Variants in OGFOD1 observed in about 807,000 individuals in gnomAD.
OGFOD1 encodes 2-oxoglutarate and iron dependent oxygenase domain containing 1.
OGFOD1 carries 54 observed loss-of-function variants against 67.7 expected under a neutral mutation model. The observed-to-expected ratio is 0.80, with a 90% CI of 0.64 to 1.00. The LOEUF is 1.00. Among genes scored for constraint, OGFOD1 ranks in the 50% least tolerant of loss-of-function variants. The pLI, the probability that OGFOD1 is intolerant of heterozygous loss-of-function variation, is 0.00. For synonymous variants in OGFOD1, 221 were observed against 227.0 expected, an observed-to-expected ratio of 0.97 and a Z score of 0.24; for missense variants, 606 against 646.7, an observed-to-expected ratio of 0.94 and a Z score of 0.68.
rs760206475 is a variant in OGFOD1, at chr16:56,466,959, T to C, written c.649T>C (p.Phe217Leu). The change falls in exon 6 of 13, where the codon TTT becomes CTT. Residue 217 changes from phenylalanine to leucine, a missense_variant. Coordinates refer to ENST00000566157, the MANE Select transcript of OGFOD1 (RefSeq NM_018233.4). ...LVFFEVSPVS[F>L]HQVSEVLSEE... is the part of the protein sequence containing the mutation. Reference sequence around the variant, plus strand: ...TTTCTTTGAAGTATCTCCTGTGTCCTTTCACCAGGTAAAGACTGTAAGCCA... The same window carrying C: ...TTTCTTTGAAGTATCTCCTGTGTCCCTTCACCAGGTAAAGACTGTAAGCCA... 7.5e-6 allele frequency: 12 copies of C among 1,609,008 alleles called. No homozygotes were observed. The highest frequency in any genetic ancestry group is 2.2e-5 in the South Asian group (2 of 90,958).
chr16:56,453,305 T>C lies in OGFOD1; in HGVS notation c.197T>C (p.Ile66Thr). 1.2e-6 allele frequency: 2 copies of C among 1,614,146 alleles called. No individual in the cohort carries two copies. The highest frequency in any genetic ancestry group is 1.7e-6 in the Non-Finnish European group (2 of 1,179,998). ...MDMDPFLHCV[I>T]PNFIQSQDFL... ...ATGGACCCTTTTCTTCACTGTGTGA[T>C]CCCAAACTTCATCCAAAGCCAAGAC... Residue 66 changes from isoleucine to threonine, a missense_variant, in exon 2 of 13, where the codon ATC (isoleucine) becomes ACC (threonine). Ile to Thr is a moderately conservative substitution (Grantham distance 89). Transcript: ENST00000566157.
At chr16:56,463,375 C>CTTTTTTGGG (rs1962782340) in intron 4 of OGFOD1, among the ~76,000 whole-genome samples, 2 of 39,594 alleles carry the variant, frequency 5.1e-5, no homozygotes, top group African/African-American at 9.4e-5. Context: ...CATGTCATTT[C>CTTTTTTGGG]TTTTTTGGGT....
chr16:56,469,107 T>C (rs1282053482), intron 8 of OGFOD1, among the ~76,000 whole-genome samples: 2 of 152,230 alleles, frequency 1.3e-5, no homozygotes, highest in African/African-American at 4.8e-5. Context: ...AACCATGCTA[T>C]GGGATCTTTC....
At chr16:56,464,618 C>A (rs1478450147) in intron 4 of OGFOD1, among the ~76,000 whole-genome samples, 1 of 152,088 alleles carries the variant, frequency 6.6e-6, no homozygotes, top group Non-Finnish European at 1.5e-5. Context: ...TGAGCTGTTA[C>A]CAGTTACTAT....
At chr16:56,467,803 T>C (rs556742520) in intron 7 of OGFOD1, 102 bp from the exon 8 acceptor site, 2 of 709,306 alleles carry the variant, frequency 2.8e-6, no homozygotes, top group East Asian at 2.6e-5. Flanking sequence ...GAGAAACTTA[T>C]AAAATGAGGA....
rs1963473077 is a variant in OGFOD1 at position 56,476,275 on chromosome 16, T to C, written c.*70T>C. 3.4e-6 allele frequency: 5 copies of C among 1,463,094 alleles called. No homozygotes were observed. The highest frequency in any genetic ancestry group is 2.5e-4 in the Middle Eastern group (1 of 3,972). The allele number at this position is 1,463,094 out of a possible 1,614,324, so 90.6% of individuals were successfully genotyped here. ...CTGGGAAGTCTGAAAGAGCTAAGCA[T>C]GGAGTCAAGGAGAACTACATGGTAG... is the stretch of plus-strand genomic sequence containing the variant. On this transcript the variant is annotated 3_prime_UTR_variant, in exon 13 of 13. Coordinates refer to ENST00000566157, the MANE Select transcript of OGFOD1 (RefSeq NM_018233.4).
intron 8 of OGFOD1, among the ~76,000 whole-genome samples, 160 bp from the exon 9 acceptor site, chr16:56,469,843 T>A (rs1596981942): frequency 2.4e-5 from 2 of 83,490 alleles, no homozygotes; most frequent in African/African-American, 5.2e-5. Flanking sequence ...AGAGTGAAAC[T>A]CCATCTCAAA....
rs1963580861 is a variant in OGFOD1 at position 56,478,659 on chromosome 16, T to C, written c.*2454T>C. On this transcript the variant is annotated 3_prime_UTR_variant, in exon 13 of 13. Coordinates refer to ENST00000566157, the MANE Select transcript of OGFOD1 (RefSeq NM_018233.4). ...GGCTGTAGGCACCATCCAAGGCCAA[T>C]TTTCCAATTCTGGAAAGCCAAATCT... The C allele has an allele frequency of 6.6e-6, 1 of 152,206 alleles. No homozygotes were observed. Among genetic ancestry groups the C allele is most frequent in the Non-Finnish European group, 1.5e-5 (1 of 68,032 alleles). 9.4% of individuals were successfully genotyped at this position (152,206 alleles called of 1,614,324 possible). A position where few individuals can be genotyped will look rare whatever the true frequency, so the allele number is the denominator to read the frequency against.
chr16:56,458,341 G>A, intron 2 of OGFOD1: 1 of 574,518 alleles, frequency 1.7e-6, no homozygotes, highest in East Asian at 3.0e-5. Context: ...TTAAGTATTT[G>A]TTTAATGAAT....
At chr16:56,475,829 A>G (rs929346076) in intron 12 of OGFOD1, among the ~76,000 whole-genome samples, 3 of 152,240 alleles carry the variant, frequency 2.0e-5, no homozygotes, top group Non-Finnish European at 4.4e-5. Flanking sequence ...GTAGTAAGAA[A>G]TAAATGTAAT....
chr16:56,458,520 CT>C (rs771823733), intron 2 of OGFOD1, 27 bp from the exon 3 acceptor site: 27 of 1,602,210 alleles, frequency 1.7e-5, no homozygotes, highest in South Asian at 8.8e-5. Context: ...AAGGAAATCC[CT>C]TTTTTTTCTC....
chr16:56,474,463 G>A (rs1963361379), intron 10 of OGFOD1, among the ~76,000 whole-genome samples: 1 of 151,728 alleles, frequency 6.6e-6, no homozygotes, highest in African/African-American at 2.4e-5. Context: ...CTGGATTACA[G>A]GCATGCACTA....
chr16:56,478,311 T>C lies in OGFOD1; in HGVS notation c.*2106T>C, dbSNP rs1281802239. On this transcript the variant is annotated 3_prime_UTR_variant, in exon 13 of 13. Transcript: ENST00000566157. ...GTAGCTGGGATTACAGGCACCTGCC[T>C]CCATACCCAGCTAATTTTTTTATAT... The C allele has an allele frequency of 6.6e-6, 1 of 152,056 alleles. No homozygotes were observed. Among genetic ancestry groups the C allele is most frequent in the African/African-American group, 2.4e-5 (1 of 41,424 alleles). The allele number at this position is 152,056 out of a possible 1,614,324, so 9.4% of individuals were successfully genotyped here. A position where few individuals can be genotyped will look rare whatever the true frequency, so the allele number is the denominator to read the frequency against.
rs111574935 is a variant in OGFOD1 at position 56,472,137 on chromosome 16, A to AT, written c.1285+1359dup. Among the ~76,000 whole-genome samples the AT allele has an allele frequency of 1.6e-3, 232 of 144,044 alleles. 1 individual carries two copies. Among genetic ancestry groups the AT allele is most frequent in the East Asian group, 0.014 (71 of 4,970 alleles). 94.5% of individuals were successfully genotyped at this position (144,044 alleles called of 152,430 possible). The stretch of plus-strand genomic sequence containing the variant: ...CCACCACACCCAACTAATTTTCTTG[A>AT]TTTTTTTTTTTTTGTAAAGATGGGA... On this transcript the variant is annotated intron_variant, in intron 10 of 12. Coordinates refer to ENST00000566157, the MANE Select transcript of OGFOD1 (RefSeq NM_018233.4).
chr16:56,467,884 C>T (rs1414891340), intron 7 of OGFOD1, 21 bp from the exon 8 acceptor site: 2 of 1,150,712 alleles, frequency 1.7e-6, no homozygotes, highest in Non-Finnish European at 2.6e-6. Flanking sequence ...TCACATTTTG[C>T]ATCTGCTGCC....
intron 3 of OGFOD1, 125 bp from the exon 4 acceptor site, chr16:56,462,409 C>G (rs773294358): frequency 1.3e-5 from 8 of 628,866 alleles, no homozygotes; most frequent in Non-Finnish European, 2.0e-5. Context: ...CAAATGAGAT[C>G]GGAGAATGGA....
chr16:56,475,623 T>C, intron 12 of OGFOD1, 58 bp downstream of exon 12: 3 of 1,456,710 alleles, frequency 2.1e-6, no homozygotes, highest in Non-Finnish European at 2.9e-6. Flanking sequence ...CTTTCATTTT[T>C]CAAAGACCCA....
intron 8 of OGFOD1, among the ~76,000 whole-genome samples, 160 bp from the exon 9 acceptor site, chr16:56,469,843 T>TC (rs1963070403): frequency 1.2e-5 from 1 of 83,452 alleles, no homozygotes; most frequent in East Asian, 3.7e-4. Context: ...AGAGTGAAAC[T>TC]CCATCTCAAA....
In OGFOD1 at chr16:56,451,606, G is replaced by A. The variant is rs535337680; in HGVS notation, c.-7G>A. ...CTGCGTGGCGTGGTTCTGTGCCTTG[G>A]GAAGAGATGAATGGGAAGCGGCCAG... On this transcript the variant is annotated 5_prime_UTR_variant, in exon 1 of 13. Coordinates refer to ENST00000566157, the MANE Select transcript of OGFOD1 (RefSeq NM_018233.4). The A allele has an allele frequency of 3.7e-6, 6 of 1,613,304 alleles. No individual in the cohort carries two copies. The highest frequency in any genetic ancestry group is 1.3e-5 in the African/African-American group (1 of 74,940).
Sources: gnomAD v4.1 joint callset for allele counts (sites outside exome capture counted in the v4.1 genomes callset) on GRCh38, gnomAD v4.1.1 for gene constraint, MANE v1.5 for transcripts, NCBI Gene and HGNC (gene_info 2026-07-23, HGNC 2026-07-21) for gene names.